UBL3: variants seen among roughly 807,000 people sequenced by gnomAD.
UBL3 encodes ubiquitin-like protein 3.
A neutral mutation model predicts 18.4 loss-of-function variants in UBL3; 6 were observed. The ratio of observed to expected loss-of-function variants is 0.33; its 90% CI spans 0.18 to 0.64. The LOEUF (loss-of-function observed/expected upper bound fraction) is 0.64, where lower values mean the gene tolerates loss of function less well. Among genes scored for constraint, UBL3 ranks in the 30% least tolerant of loss-of-function variants. The pLI is 0.76. For synonymous variants in UBL3, 49 were observed against 46.6 expected, an observed-to-expected ratio of 1.05 and a Z score of -0.21; for missense variants, 109 against 142.9, an observed-to-expected ratio of 0.76 and a Z score of 1.21.
chr13:29,834,186 A>T (rs999513045), intron 1 of UBL3, among the ~76,000 whole-genome samples: 1 of 141,580 alleles, frequency 7.1e-6, no homozygotes, highest in Non-Finnish European at 1.5e-5. Context: ...CTGTCTCAAG[A>T]AAAAAAAAAA....
chr13:29,812,713 A>C (rs1878126083), intron 1 of UBL3, among the ~76,000 whole-genome samples: 1 of 152,034 alleles, frequency 6.6e-6, no homozygotes, highest in African/African-American at 2.4e-5. Context: ...TATTTTTTCA[A>C]CTGTAAATTT....
chr13:29,849,093 A>C (rs1879302205), intron 1 of UBL3, among the ~76,000 whole-genome samples: 2 of 152,264 alleles, frequency 1.3e-5, no homozygotes, highest in Non-Finnish European at 2.9e-5. Context: ...TCCCTACTGC[A>C]ATGACGATCT....
intron 3 of UBL3, 139 bp downstream of exon 3, chr13:29,771,973 A>G: frequency 1.5e-6 from 1 of 682,154 alleles, no homozygotes; most frequent in Non-Finnish European, 2.5e-6. Context: ...GTGAAGGAGT[A>G]GGCATACCAG....
chr13:29,832,684 G>A (rs1878812469), intron 1 of UBL3, among the ~76,000 whole-genome samples: 1 of 152,170 alleles, frequency 6.6e-6, no homozygotes, highest in Non-Finnish European at 1.5e-5. Context: ...AGTTAGCACT[G>A]TTCCTCTGGA....
intron 1 of UBL3, among the ~76,000 whole-genome samples, chr13:29,788,573 T>A (rs1383106245): frequency 6.6e-6 from 1 of 152,200 alleles, no homozygotes; most frequent in South Asian, 2.1e-4. Flanking sequence ...AATATTTGAT[T>A]TCTATCTTAT....
At chr13:29,799,215 C>A (rs930894211) in intron 1 of UBL3, among the ~76,000 whole-genome samples, 1 of 152,180 alleles carries the variant, frequency 6.6e-6, no homozygotes, top group African/African-American at 2.4e-5. Context: ...TCCCCTTCCC[C>A]CTGCCCCCGG....
intron 1 of UBL3, among the ~76,000 whole-genome samples, chr13:29,810,188 GGATCA>G (rs1390773687): frequency 2.6e-5 from 4 of 152,028 alleles, no homozygotes; most frequent in African/African-American, 9.7e-5. Flanking sequence ...GGTATCAATA[GGATCA>G]ATCCTAAATT....
intron 1 of UBL3, among the ~76,000 whole-genome samples, chr13:29,832,929 A>C (rs1301434309): frequency 6.6e-6 from 1 of 152,234 alleles, no homozygotes; most frequent in African/African-American, 2.4e-5. Context: ...AGCAAGATAA[A>C]GAGAAGTCAA....
chr13:29,772,007 A>G (rs574769559), intron 3 of UBL3, 105 bp downstream of exon 3: 1 of 1,000,260 alleles, frequency 1.0e-6, no homozygotes, highest in East Asian at 2.5e-5. Flanking sequence ...TCATAGTTTG[A>G]ATTTATCATT....
chr13:29,764,797 T>G lies in UBL3; in HGVS notation c.*2458A>C, dbSNP rs761549298. The G allele has an allele frequency of 2.0e-5, 3 of 152,172 alleles. No homozygotes were observed. The highest frequency in any genetic ancestry group is 4.4e-5 in the Non-Finnish European group (3 of 68,004). 9.4% of individuals were successfully genotyped at this position (152,172 alleles called of 1,614,324 possible). ...TACTGGATCTATGCAGCTCTCACCT[T>G]TAGATAAGTGAGCTATATTTTTGGC... On this transcript the variant is annotated 3_prime_UTR_variant, in exon 5 of 5. Coordinates refer to ENST00000380680, the MANE Select transcript of UBL3 (RefSeq NM_007106.4).
intron 1 of UBL3, among the ~76,000 whole-genome samples, chr13:29,801,757 CT>C (rs2139333244): frequency 1.3e-5 from 2 of 152,344 alleles, no homozygotes; most frequent in South Asian, 4.1e-4. Flanking sequence ...GCAAAGTCCT[CT>C]TTCCCCATTG....
At chr13:29,774,485 A>C (rs1166269808) in intron 2 of UBL3, among the ~76,000 whole-genome samples, 1 of 152,126 alleles carries the variant, frequency 6.6e-6, no homozygotes, top group Non-Finnish European at 1.5e-5. Context: ...AATGCTTTTC[A>C]TACTGATAGT....
intron 1 of UBL3, among the ~76,000 whole-genome samples, chr13:29,831,031 T>A (rs1403530778): frequency 1.3e-5 from 2 of 152,160 alleles, no homozygotes; most frequent in Non-Finnish European, 2.9e-5. Context: ...CAGCATTTTT[T>A]TTTTCTTTTT....
chr13:29,830,336 T>C (rs1878740632), intron 1 of UBL3, among the ~76,000 whole-genome samples: 1 of 152,210 alleles, frequency 6.6e-6, no homozygotes, highest in African/African-American at 2.4e-5. Flanking sequence ...ACATACAACT[T>C]ATCAATGAAC....
intron 1 of UBL3, among the ~76,000 whole-genome samples, chr13:29,847,096 T>C (rs1047768035): frequency 3.9e-5 from 6 of 152,236 alleles, no homozygotes; most frequent in Non-Finnish European, 8.8e-5. Flanking sequence ...TAACCAGTAT[T>C]TGTCATGTTA....
At chr13:29,786,452 C>T (rs958098409) in intron 1 of UBL3, among the ~76,000 whole-genome samples, 6 of 152,084 alleles carry the variant, frequency 3.9e-5, no homozygotes, top group South Asian at 2.1e-4. Context: ...ATCCTTTGGC[C>T]ATCTAATCAT....
intron 1 of UBL3, among the ~76,000 whole-genome samples, chr13:29,811,650 T>C (rs1162491767): frequency 6.6e-6 from 1 of 152,108 alleles, no homozygotes; most frequent in Admixed American, 6.6e-5. Flanking sequence ...CACACAGCTA[T>C]CTTGAAAGTA....
In UBL3 at chr13:29,767,709, A is replaced by G. The variant is rs757570422; in HGVS notation, c.224-14T>C. ...GAAGTTTTAATGCTATGTGAAAAGC[A>G]AAAGATGATTAGTTACACATATATC... is the stretch of plus-strand genomic sequence containing the variant. On this transcript the variant is annotated splice_polypyrimidine_tract_variant and intron_variant, in intron 3 of 4. Transcript: ENST00000380680. 40 of 1,609,782 alleles carry G rather than the reference A, an allele frequency of 2.5e-5. No homozygotes were observed. The South Asian group carries it at 3.7e-4, about 15-fold the overall frequency.
intron 1 of UBL3, among the ~76,000 whole-genome samples, chr13:29,785,070 TA>T (rs1877275627): frequency 6.6e-6 from 1 of 152,140 alleles, no homozygotes. Context: ...CATGCCCGGC[TA>T]ATTTTTGTAT....
Sources: gnomAD v4.1 joint callset for allele counts (sites outside exome capture counted in the v4.1 genomes callset) on GRCh38, gnomAD v4.1.1 for gene constraint, MANE v1.5 for transcripts, NCBI Gene and HGNC (gene_info 2026-07-23, HGNC 2026-07-21) for gene names.